The following PRKCB variants were observed in gnomAD, a reference collection of about 807,000 sequenced individuals.
The protein encoded by PRKCB is protein kinase C beta type.
A neutral mutation model predicts 81.5 loss-of-function variants in PRKCB; 13 were observed. The observed-to-expected ratio is 0.16, with a 90% CI of 0.10 to 0.25. PRKCB has a LOEUF of 0.25. Ranked by LOEUF, PRKCB falls within the 10% of genes least tolerant of loss-of-function variation. The probability of loss-of-function intolerance (pLI) is 1.00; values close to 1 mark genes in which losing one functional copy is unlikely to be tolerated. For synonymous variants in PRKCB, 335 were observed against 321.4 expected (o/e 1.04, Z -0.45); for missense variants, 509 against 875.7 (o/e 0.58, Z 5.29).
chr16:24,096,860 G>T (rs1388141408), intron 7 of PRKCB, among the ~76,000 whole-genome samples: 7 of 150,946 alleles, frequency 4.6e-5, no homozygotes, highest in African/African-American at 1.7e-4. Flanking sequence ...AAGATAAATT[G>T]TCTCATATCT....
At chr16:24,140,224 A>G (rs1567389319) in intron 9 of PRKCB, among the ~76,000 whole-genome samples, 1 of 152,216 alleles carries the variant, frequency 6.6e-6, no homozygotes, top group Non-Finnish European at 1.5e-5. Context: ...ACACTTTGGA[A>G]AATCAGAATT....
Position 23,970,194 on chromosome 16 carries a change from C to A in PRKCB, c.206-18314C>A, listed in dbSNP as rs111368957. On this transcript the variant is annotated intron_variant, in intron 2 of 16. Coordinates refer to ENST00000643927, the MANE Select transcript of PRKCB (RefSeq NM_002738.7). Reference sequence around the variant, plus strand: ...GCAGCTTGTGTGTTTGTATTTGGACCTTGCTGGATTTCTTGGGAAATCAGT... The same window carrying A: ...GCAGCTTGTGTGTTTGTATTTGGACATTGCTGGATTTCTTGGGAAATCAGT... Among the ~76,000 whole-genome samples the A allele has an allele frequency of 2.0e-3, 298 of 152,264 alleles. 2 individuals carry two copies. Among genetic ancestry groups the A allele is most frequent in the African/African-American group, 6.9e-3 (287 of 41,552 alleles).
chr16:24,121,012 G>A (rs1046394242), intron 8 of PRKCB, among the ~76,000 whole-genome samples: 6 of 152,162 alleles, frequency 3.9e-5, no homozygotes, highest in African/African-American at 1.4e-4. Context: ...TCATACCATA[G>A]CCCTGCTTCA....
intron 5 of PRKCB, among the ~76,000 whole-genome samples, chr16:24,087,057 T>G (rs1488645631): frequency 1.3e-5 from 2 of 152,018 alleles, no homozygotes; most frequent in Non-Finnish European, 2.9e-5. Flanking sequence ...TGTGTGCACA[T>G]TTTTTTTCTG....
intron 2 of PRKCB, among the ~76,000 whole-genome samples, chr16:23,901,065 C>A (rs924631467): frequency 6.6e-6 from 1 of 152,150 alleles, no homozygotes; most frequent in Non-Finnish European, 1.5e-5. Context: ...GTCTCTCCCC[C>A]ACACTGGAAC....
intron 16 of PRKCB, among the ~76,000 whole-genome samples, chr16:24,211,981 G>A (rs531029832): frequency 3.9e-5 from 6 of 152,286 alleles, no homozygotes; most frequent in Non-Finnish European, 4.4e-5. Flanking sequence ...GAAGAAGAGC[G>A]TGCACCTCTT....
At chr16:24,110,110 G>GAGA (rs1966653536) in intron 7 of PRKCB, among the ~76,000 whole-genome samples, 1 of 112,082 alleles carries the variant, frequency 8.9e-6, no homozygotes, top group Non-Finnish European at 1.7e-5. Flanking sequence ...GGGAGACCGT[G>GAGA]GGGAGAGGGA....
chr16:24,002,500 T>C (rs1038699811), intron 3 of PRKCB, among the ~76,000 whole-genome samples: 2 of 151,918 alleles, frequency 1.3e-5, no homozygotes, highest in Admixed American at 1.3e-4. Context: ...CCACCACGCC[T>C]AGCTAATTTT....
intron 5 of PRKCB, among the ~76,000 whole-genome samples, chr16:24,043,579 G>C (rs1039901164): frequency 3.9e-5 from 6 of 152,158 alleles, no homozygotes; most frequent in Non-Finnish European, 8.8e-5. Flanking sequence ...CTATCAGCTT[G>C]TTAGGTTGAG....
At chr16:23,863,220 A>ACACG (rs1567293434) in intron 2 of PRKCB, among the ~76,000 whole-genome samples, 1 of 54,870 alleles carries the variant, frequency 1.8e-5, no homozygotes, top group Non-Finnish European at 5.1e-5. Context: ...ATATACATAC[A>ACACG]TATATATGTG....
At chr16:23,879,840 A>G (rs559538599) in intron 2 of PRKCB, among the ~76,000 whole-genome samples, 1 of 152,206 alleles carries the variant, frequency 6.6e-6, no homozygotes, top group Non-Finnish European at 1.5e-5. Context: ...AGTTCAGAGC[A>G]TAGGCTCTTG....
In PRKCB at chr16:24,022,126, C is replaced by T. The variant is rs114542130; in HGVS notation, c.289-10010C>T. Among the ~76,000 whole-genome samples the T allele has an allele frequency of 2.4e-3, 362 of 152,126 alleles. 2 individuals are homozygous for T. Among genetic ancestry groups the T allele is most frequent in the African/African-American group, 4.3e-3 (180 of 41,498 alleles). ...TGGGGATGATCAAGGGGTGATGCTG[C>T]GGCAGGAGTGTAATAGTTTCAAACC... On this transcript the variant is annotated intron_variant, in intron 3 of 16. Coordinates refer to ENST00000643927, the MANE Select transcript of PRKCB (RefSeq NM_002738.7).
Position 24,216,194 on chromosome 16 carries a change from G to A in PRKCB, c.*1378G>A. 1.0e-6 allele frequency: 1 copy of A among 985,490 alleles called. No individual in the cohort carries two copies. The highest frequency in any genetic ancestry group is 4.7e-5 in the South Asian group (1 of 21,284). The allele number at this position is 985,490 out of a possible 1,614,324, so 61.0% of individuals were successfully genotyped here. A position where few individuals can be genotyped will look rare whatever the true frequency, so the allele number is the denominator to read the frequency against. ...ATTCAGGGGCTGCTGGTGGGCTGTA[G>A]TGGGGTGGGATGACCTGGCCAGAGC... On this transcript the variant is annotated 3_prime_UTR_variant, in exon 17 of 17. Transcript: ENST00000643927.
chr16:24,041,010 T>C (rs1023352079), intron 5 of PRKCB, among the ~76,000 whole-genome samples: 13 of 152,006 alleles, frequency 8.6e-5, no homozygotes, highest in African/African-American at 3.1e-4. Context: ...TGTAAAATGC[T>C]CCCAAGGTTT....
At chr16:24,148,322 T>C (rs1378218255) in intron 9 of PRKCB, among the ~76,000 whole-genome samples, 1 of 152,186 alleles carries the variant, frequency 6.6e-6, no homozygotes, top group Non-Finnish European at 1.5e-5. Flanking sequence ...AAGAGCAATG[T>C]GTACTTCTGT....
At chr16:24,154,608 C>T (rs1449111860) in intron 9 of PRKCB, 76 bp from the exon 10 acceptor site, 10 of 1,466,662 alleles carry the variant, frequency 6.8e-6, no homozygotes, top group Middle Eastern at 3.5e-4. Flanking sequence ...AGTGTGGCTA[C>T]AAATGAACAC....
chr16:24,131,947 A>G (rs1966853919), intron 9 of PRKCB, among the ~76,000 whole-genome samples: 1 of 152,194 alleles, frequency 6.6e-6, no homozygotes, highest in South Asian at 2.1e-4. Context: ...CGTACCTGGA[A>G]GTTACAAAAA....
At chr16:24,135,341 A>ACAG (rs1966861390) in intron 9 of PRKCB, among the ~76,000 whole-genome samples, 1 of 110,154 alleles carries the variant, frequency 9.1e-6, no homozygotes, top group African/African-American at 3.8e-5. Flanking sequence ...CCTTTTTGAG[A>ACAG]CAGAGTCTTG....
chr16:24,210,605 C>T (rs1255441163), intron 16 of PRKCB, among the ~76,000 whole-genome samples: 2 of 151,570 alleles, frequency 1.3e-5, no homozygotes, highest in Non-Finnish European at 2.9e-5. Context: ...CTCAAGTGAT[C>T]CCCCCACCAC....
Sources: gnomAD v4.1 joint callset for allele counts (sites outside exome capture counted in the v4.1 genomes callset) on GRCh38, gnomAD v4.1.1 for gene constraint, MANE v1.5 for transcripts, NCBI Gene and HGNC (gene_info 2026-07-23, HGNC 2026-07-21) for gene names.